Variants in DCC observed in about 807,000 individuals in gnomAD.
DCC encodes the protein DCC netrin 1 receptor.
Under a neutral mutation model 172.5 loss-of-function variants are expected in DCC, and 58 were observed. That is an observed-to-expected ratio of 0.34 (90% CI 0.27 to 0.42). The LOEUF (loss-of-function observed/expected upper bound fraction) is 0.42. Among genes scored for constraint, DCC ranks in the 10% least tolerant of loss-of-function variants. DCC has a pLI of 1.00. For synonymous variants in DCC, 709 were observed against 644.5 expected (o/e 1.10, Z -1.52); for missense variants, 1,740 against 1,791.0 (o/e 0.97, Z 0.51).
intron 7 of DCC, among the ~76,000 whole-genome samples, chr18:53,089,850 G>A (rs1022974351): frequency 1.3e-5 from 2 of 152,114 alleles, no homozygotes; most frequent in Non-Finnish European, 2.9e-5. Flanking sequence ...TCATTTTTAT[G>A]TCACAGGTAT....
At chr18:53,023,748 T>A (rs2041917927) in intron 5 of DCC, among the ~76,000 whole-genome samples, 1 of 152,138 alleles carries the variant, frequency 6.6e-6, no homozygotes, top group Non-Finnish European at 1.5e-5. Flanking sequence ...TTAGAGGCTT[T>A]AAAGAAATGT....
In DCC at chr18:52,620,424, C is replaced by T. The variant is rs532920049; in HGVS notation, c.92-131630C>T. 2.6e-5 allele frequency among the ~76,000 whole-genome samples: 4 copies of T among 152,262 alleles called. No individual in the cohort carries two copies. The South Asian group carries it at 8.3e-4, about 32-fold the overall frequency. ...CCATAACTACCAAAGGATGATGTCT[C>T]GAACAGGTTTAAATTAACCCATCTT... On this transcript the variant is annotated intron_variant, in intron 1 of 28. Coordinates refer to ENST00000442544, the MANE Select transcript of DCC (RefSeq NM_005215.4).
At chr18:52,617,092 G>A (rs929368716) in intron 1 of DCC, among the ~76,000 whole-genome samples, 22 of 152,088 alleles carry the variant, frequency 1.4e-4, no homozygotes, top group Admixed American at 2.6e-4. Context: ...ATCCGACGAA[G>A]GTGTACTGTC....
chr18:53,078,434 G>A (rs1253873202), intron 7 of DCC, among the ~76,000 whole-genome samples: 1 of 152,002 alleles, frequency 6.6e-6, no homozygotes, highest in Non-Finnish European at 1.5e-5. Context: ...ACATAACACA[G>A]CCAGTGCCTG....
chr18:53,160,930 C>A (rs921052896), intron 8 of DCC, among the ~76,000 whole-genome samples: 1 of 152,168 alleles, frequency 6.6e-6, no homozygotes, highest in African/African-American at 2.4e-5. Context: ...TAAAGCGAAA[C>A]TTTCACTTGT....
chr18:53,271,221 T>G (rs951871975), intron 12 of DCC, among the ~76,000 whole-genome samples: 1 of 152,188 alleles, frequency 6.6e-6, no homozygotes, highest in Non-Finnish European at 1.5e-5. Context: ...GTTTCCTAAG[T>G]GGTCTCTGAC....
chr18:52,898,410 C>T (rs1283241505), intron 2 of DCC, among the ~76,000 whole-genome samples: 2 of 152,120 alleles, frequency 1.3e-5, no homozygotes, highest in Non-Finnish European at 2.9e-5. Context: ...CTAGAGGCGG[C>T]AAGTCTTGGC....
chr18:53,313,164 A>G (rs550378984), intron 13 of DCC, among the ~76,000 whole-genome samples: 18 of 152,122 alleles, frequency 1.2e-4, no homozygotes, highest in African/African-American at 4.1e-4. Flanking sequence ...GCCCCCAAAA[A>G]TTGCTTGGTG....
intron 1 of DCC, among the ~76,000 whole-genome samples, chr18:52,488,253 A>G (rs558124887): frequency 3.3e-5 from 5 of 152,194 alleles, no homozygotes; most frequent in Admixed American, 6.5e-5. Flanking sequence ...ATAGTCTTTA[A>G]TTGTCTGTAG....
chr18:52,765,199 A>AT (rs369735420), intron 2 of DCC, among the ~76,000 whole-genome samples: 46,260 of 119,638 alleles, frequency 0.39, 9,972 homozygotes, highest in East Asian at 0.71. Flanking sequence ...ACTCCTGGCT[A>AT]ATTTTTTTTT....
chr18:52,926,809 ATG>A (rs578166217), intron 5 of DCC, among the ~76,000 whole-genome samples: 1,627 of 141,586 alleles, frequency 0.011, 17 homozygotes, highest in Middle Eastern at 0.018. Context: ...ACATATACAT[ATG>A]TGTGTGTATA....
chr18:52,427,495 C>T (rs1372910744), intron 1 of DCC, among the ~76,000 whole-genome samples: 2 of 152,022 alleles, frequency 1.3e-5, no homozygotes, highest in East Asian at 1.9e-4. Context: ...CAGGTTTGCA[C>T]AGTGGAGGGT....
At chr18:53,194,542 T>C (rs2055415618) in intron 9 of DCC, among the ~76,000 whole-genome samples, 1 of 152,128 alleles carries the variant, frequency 6.6e-6, no homozygotes, top group Admixed American at 6.6e-5. Flanking sequence ...CAATCTTGGC[T>C]CACTGCAACC....
At chr18:52,604,585 G>A (rs1205015969) in intron 1 of DCC, among the ~76,000 whole-genome samples, 1 of 152,106 alleles carries the variant, frequency 6.6e-6, no homozygotes, top group Non-Finnish European at 1.5e-5. Context: ...TTCTTTGTGG[G>A]GAAGGAAAAG....
chr18:53,287,140 G>A (rs1594459), intron 12 of DCC, among the ~76,000 whole-genome samples: 20,311 of 152,010 alleles, frequency 0.13, 1,794 homozygotes, highest in African/African-American at 0.24. Context: ...TCATCTTCCA[G>A]TCCCTCCCTC....
At chr18:53,402,458 G>C (rs1252573904) in intron 18 of DCC, among the ~76,000 whole-genome samples, 1 of 151,740 alleles carries the variant, frequency 6.6e-6, no homozygotes, top group Non-Finnish European at 1.5e-5. Context: ...ATCTCACTAA[G>C]TATACATTTC....
intron 1 of DCC, among the ~76,000 whole-genome samples, chr18:52,374,463 T>G (rs1349124429): frequency 6.6e-6 from 1 of 152,046 alleles, no homozygotes; most frequent in Non-Finnish European, 1.5e-5. Flanking sequence ...AACTAGGTAC[T>G]GATGATGTTT....
intron 1 of DCC, among the ~76,000 whole-genome samples, chr18:52,703,915 C>G (rs1216242099): frequency 6.6e-6 from 1 of 152,002 alleles, no homozygotes; most frequent in East Asian, 1.9e-4. Flanking sequence ...GTGACTGAAT[C>G]CAGGGGATCT....
At chr18:53,190,458 C>CTGTGTGTGTGTGTG (rs67103778) in intron 9 of DCC, among the ~76,000 whole-genome samples, 2 of 146,262 alleles carry the variant, frequency 1.4e-5, no homozygotes, top group African/African-American at 5.1e-5. Flanking sequence ...ACTGCTAACT[C>CTGTGTGTGTGTGTG]TGTGTGTGTG....
Sources: allele counts gnomAD v4.1 joint callset (sites outside exome capture counted in the v4.1 genomes callset), GRCh38; gene constraint gnomAD v4.1.1; transcripts MANE v1.5; gene names NCBI Gene and HGNC (gene_info 2026-07-23, HGNC 2026-07-21).